Variants in ZNF521 observed in about 807,000 individuals in gnomAD.
ZNF521 encodes the protein zinc finger protein 521, also known as LYST-interacting protein 3.
In ZNF521, 14 loss-of-function variants were observed where a neutral mutation model predicts 105.5. The ratio of observed to expected loss-of-function variants is 0.13; its 90% CI spans 0.09 to 0.21. ZNF521 has a LOEUF of 0.21. Among genes scored for constraint, ZNF521 ranks in the 10% least tolerant of loss-of-function variants. The pLI is 1.00. For missense variants in ZNF521, 1,233 were observed against 1,629.7 expected (o/e 0.76, Z 4.19); for synonymous variants, 635 against 606.0 (o/e 1.05, Z -0.70).
chr18:25,088,015 C>T (rs1319267088), intron 7 of ZNF521, among the ~76,000 whole-genome samples: 1 of 152,096 alleles, frequency 6.6e-6, no homozygotes, highest in Non-Finnish European at 1.5e-5. Context: ...CACGAAGTTG[C>T]CCCAGGACCC....
At chr18:25,205,183 T>C (rs970407581) in intron 4 of ZNF521, among the ~76,000 whole-genome samples, 2 of 142,686 alleles carry the variant, frequency 1.4e-5, no homozygotes, top group African/African-American at 5.5e-5. Context: ...TACCAGAGCA[T>C]GTGCTAATTA....
chr18:25,078,161 G>C lies in ZNF521; in HGVS notation c.3906+11304C>G, dbSNP rs1056468588. On this transcript the variant is annotated intron_variant, in intron 7 of 7. Transcript: ENST00000361524. ...TTATTCAATCAGCCCGAGACTCTGG[G>C]GCGGCTGGGGGTCCTTTGAGGGCTG... is the stretch of plus-strand genomic sequence containing the variant. 3.3e-5 allele frequency among the ~76,000 whole-genome samples: 5 copies of C among 152,284 alleles called. No homozygotes were observed. The East Asian group carries it at 9.7e-4, about 29-fold the overall frequency.
rs78184507 is a variant in ZNF521 at position 25,311,044 on chromosome 18, G to A, written c.220+10964C>T. 5.6e-3 allele frequency among the ~76,000 whole-genome samples: 847 copies of A among 152,164 alleles called. 9 individuals carry two copies. Among genetic ancestry groups the A allele is most frequent in the African/African-American group, 0.019 (805 of 41,520 alleles). Reference sequence around the variant, plus strand: ...GTTTGTGGAATAATCACCTCTAATCGATCAATTTCCCCTGAAGGTAAAACC... The same window carrying A: ...GTTTGTGGAATAATCACCTCTAATCAATCAATTTCCCCTGAAGGTAAAACC... On this transcript the variant is annotated intron_variant, in intron 3 of 7. Transcript: ENST00000361524.
chr18:25,215,844 T>C (rs1411089905), intron 4 of ZNF521, among the ~76,000 whole-genome samples: 4 of 152,184 alleles, frequency 2.6e-5, no homozygotes, highest in Admixed American at 6.5e-5. Context: ...CCCATGGTAC[T>C]GGTGCCAGGG....
chr18:25,292,331 C>T (rs1301776536), intron 3 of ZNF521, among the ~76,000 whole-genome samples: 1 of 152,122 alleles, frequency 6.6e-6, no homozygotes, highest in Non-Finnish European at 1.5e-5. Flanking sequence ...GAGATTTGGG[C>T]CTCTCAGTCA....
At chr18:25,104,283 A>G (rs890359447) in intron 5 of ZNF521, among the ~76,000 whole-genome samples, 1 of 152,180 alleles carries the variant, frequency 6.6e-6, no homozygotes, top group South Asian at 2.1e-4. Flanking sequence ...TCCTAACACA[A>G]AAGGAAATCT....
Position 25,281,884 on chromosome 18 carries a change from G to A in ZNF521, c.220+40124C>T, listed in dbSNP as rs181914417. On this transcript the variant is annotated intron_variant, in intron 3 of 7. Transcript: ENST00000361524. The stretch of plus-strand genomic sequence containing the variant: ...GTCAAAAATAACGGAAGGAATCACA[G>A]GCGGTACTTCATCAGCATTTACTAG... Among the ~76,000 whole-genome samples, 511 of 152,252 alleles carry A rather than the reference G, an allele frequency of 3.4e-3. 7 individuals carry two copies. The highest frequency in any genetic ancestry group is 2.5e-3 in the Non-Finnish European group (168 of 68,032).
chr18:25,284,903 C>CGA (rs1910602972), intron 3 of ZNF521, among the ~76,000 whole-genome samples: 1 of 135,562 alleles, frequency 7.4e-6, no homozygotes, highest in South Asian at 2.1e-4. Flanking sequence ...CATGTGCGTG[C>CGA]GCGCGCGCAC....
intron 5 of ZNF521, among the ~76,000 whole-genome samples, chr18:25,158,644 G>C (rs1279954453): frequency 6.6e-6 from 1 of 152,020 alleles, no homozygotes; most frequent in Admixed American, 6.6e-5. Flanking sequence ...AAAAGGAAAT[G>C]AAATGAGGTA....
At position 25,217,275 on chromosome 18, in the gene ZNF521, C is replaced by T. The variant is rs8094426; in HGVS notation, c.3573+7070G>A. On this transcript the variant is annotated intron_variant, in intron 4 of 7. Transcript: ENST00000361524. Reference sequence around the variant, plus strand: ...TTAGGAAGCTACTGCGGTATCCAGACGAGAAACAATTGCAGCCTAGACTAA... The same window carrying T: ...TTAGGAAGCTACTGCGGTATCCAGATGAGAAACAATTGCAGCCTAGACTAA... 6.1e-3 allele frequency among the ~76,000 whole-genome samples: 935 copies of T among 152,152 alleles called. 14 individuals are homozygous for T. The highest frequency in any genetic ancestry group is 0.021 in the African/African-American group (862 of 41,482).
chr18:25,308,397 G>T (rs1255369573), intron 3 of ZNF521, among the ~76,000 whole-genome samples: 1 of 151,948 alleles, frequency 6.6e-6, no homozygotes, highest in East Asian at 1.9e-4. Flanking sequence ...AAAACTTTTG[G>T]AATAATTATT....
chr18:25,331,770 T>G (rs1913581757), intron 2 of ZNF521, among the ~76,000 whole-genome samples: 2 of 152,192 alleles, frequency 1.3e-5, no homozygotes, highest in Admixed American at 1.3e-4. Flanking sequence ...AAACACTGGC[T>G]TGCTGCAATG....
At chr18:25,099,317 T>A (rs1227043000) in intron 5 of ZNF521, among the ~76,000 whole-genome samples, 1 of 152,184 alleles carries the variant, frequency 6.6e-6, no homozygotes, top group East Asian at 1.9e-4. Context: ...CTCCGTTCCC[T>A]TGTGCATTAA....
intron 3 of ZNF521, among the ~76,000 whole-genome samples, chr18:25,290,506 G>A (rs766051072): frequency 4.6e-5 from 7 of 152,036 alleles, no homozygotes; most frequent in Non-Finnish European, 1.0e-4. Flanking sequence ...AGTAGACAGG[G>A]AGGTGCTGAT....
intron 5 of ZNF521, among the ~76,000 whole-genome samples, chr18:25,175,020 T>C (rs2035512592): frequency 6.6e-6 from 1 of 152,254 alleles, no homozygotes; most frequent in Non-Finnish European, 1.5e-5. Context: ...ACAGCACTAT[T>C]ACCATTCCTG....
At chr18:25,218,206 G>A (rs1281126285) in intron 4 of ZNF521, among the ~76,000 whole-genome samples, 1 of 152,096 alleles carries the variant, frequency 6.6e-6, no homozygotes, top group Non-Finnish European at 1.5e-5. Context: ...ACAGATTTGT[G>A]TTTTAGATGG....
chr18:25,350,820 C>CGCCTCGCA, intron 2 of ZNF521, 87 bp downstream of exon 2: 2 of 1,451,634 alleles, frequency 1.4e-6, no homozygotes, highest in South Asian at 2.5e-5. Context: ...CGCGCGCACA[C>CGCCTCGCA]GCCTCGCAGC....
chr18:25,281,934 G>GA (rs35913364), intron 3 of ZNF521, among the ~76,000 whole-genome samples: 5,191 of 147,428 alleles, frequency 0.035, 227 homozygotes, highest in African/African-American at 0.1. Flanking sequence ...AAAACTGGCA[G>GA]AAAAAAAAAA....
At chr18:25,201,088 A>G (rs759078151) in intron 4 of ZNF521, 5 of 147,182 alleles carry the variant, frequency 3.4e-5, no homozygotes, top group Non-Finnish European at 5.9e-5. Context: ...TAGTTTCGCC[A>G]TTGGTTCTAC....
Sources: allele counts gnomAD v4.1 joint callset (sites outside exome capture counted in the v4.1 genomes callset), GRCh38; gene constraint gnomAD v4.1.1; transcripts MANE v1.5; gene names NCBI Gene and HGNC (gene_info 2026-07-23, HGNC 2026-07-21).